The following NAA25 variants were observed in gnomAD, a reference collection of about 807,000 sequenced individuals.
NAA25 encodes the protein N-terminal acetyltransferase B complex subunit NAA25.
A neutral mutation model predicts 132.5 loss-of-function variants in NAA25; 30 were observed. The ratio of observed to expected loss-of-function variants is 0.23; its 90% CI spans 0.17 to 0.31. NAA25 has a LOEUF of 0.31. NAA25 is among the 10% of genes least tolerant of loss of function. NAA25 has a pLI of 1.00. For missense variants in NAA25, 771 were observed against 1,150.4 expected (o/e 0.67, Z 4.77); for synonymous variants, 359 against 401.9 (o/e 0.89, Z 1.28).
chr12:112,089,993 A>T (rs2079108665), intron 3 of NAA25, among the ~76,000 whole-genome samples: 1 of 148,794 alleles, frequency 6.7e-6, no homozygotes, highest in Non-Finnish European at 1.5e-5. Context: ...CACCACACCC[A>T]GTTAATTTTT....
rs2078286999 is a variant in NAA25, at chr12:112,040,513, T to C, written c.2506A>G (p.Thr836Ala). The change falls in exon 21 of 24, where the codon ACT becomes GCT. Residue 836 changes from threonine to alanine, a missense_variant. This residue lies in a region of NAA25 where 324 missense variants were observed against 400.0 expected (regional missense o/e 0.81). Transcript: ENST00000261745. ...AAGAAAACTAGATTTTCTAAAAGAG[T>C]AGGATGTGTTTTCAAGTTACCATCT... is the stretch of plus-strand genomic sequence containing the variant. Reference protein sequence around the residue: ...VKDGNLKTHPTLLENLVFFVE... With the variant: ...VKDGNLKTHPALLENLVFFVE... 1.9e-6 allele frequency: 3 copies of C among 1,602,888 alleles called. No homozygotes were observed. Among genetic ancestry groups the C allele is most frequent in the Non-Finnish European group, 2.6e-6 (3 of 1,172,330 alleles).
intron 1 of NAA25, among the ~76,000 whole-genome samples, chr12:112,107,381 G>GTT (rs572332388): frequency 2.1e-5 from 3 of 145,640 alleles, no homozygotes; most frequent in African/African-American, 5.0e-5. Flanking sequence ...TTCCTCATCT[G>GTT]TTTTTTTTTT....
chr12:112,090,770 T>C lies in NAA25; in HGVS notation c.239A>G (p.Asn80Ser). 1 of 1,613,862 alleles carries C rather than the reference T, an allele frequency of 6.2e-7. No homozygotes were observed. The highest frequency in any genetic ancestry group is 8.5e-7 in the Non-Finnish European group (1 of 1,179,932). ...AAGGATAGTCAGTGCCTGCAGTGAG[T>C]TGTCATCTGTGGGTTCAAGGGCTGC... ...EVAALEPTDD[N>S]SLQALTILYR... Residue 80 changes from asparagine (N) to serine (S), a missense_variant, in exon 3 of 24, where the codon AAC (asparagine) becomes AGC (serine). By Grantham distance (46) the Asn-to-Ser change is conservative. Coordinates refer to ENST00000261745, the MANE Select transcript of NAA25 (RefSeq NM_024953.4).
intron 1 of NAA25, among the ~76,000 whole-genome samples, chr12:112,105,905 A>G (rs2136952263): frequency 6.6e-6 from 1 of 152,350 alleles, no homozygotes. Flanking sequence ...AACACTAATT[A>G]ATGCTGATAG....
intron 1 of NAA25, among the ~76,000 whole-genome samples, chr12:112,107,747 T>G (rs1409934836): frequency 1.3e-5 from 2 of 152,082 alleles, no homozygotes; most frequent in Non-Finnish European, 2.9e-5. Context: ...ACCACTGACC[T>G]TGAAGCTTCC....
chr12:112,090,627 C>G (rs541351474), intron 3 of NAA25, 99 bp downstream of exon 3: 2 of 1,209,608 alleles, frequency 1.7e-6, no homozygotes, highest in Non-Finnish European at 2.4e-6. Context: ...CTACTGTATC[C>G]ATTCAAATCA....
intron 17 of NAA25, among the ~76,000 whole-genome samples, chr12:112,045,928 C>T (rs537652352): frequency 7.2e-5 from 11 of 151,950 alleles, no homozygotes; most frequent in African/African-American, 2.7e-4. Flanking sequence ...TAAGTTTAAA[C>T]AAATTGGTTA....
Position 112,033,286 on chromosome 12 carries a change from G to C in NAA25, c.2743C>G (p.Leu915Val). The change falls in exon 23 of 24, where the codon CTA becomes GTA. Residue 915 changes from leucine (L) to valine (V), a missense_variant. By Grantham distance (32) the Leu-to-Val change is conservative. Transcript: ENST00000261745. ...VDHIKGLETH[L>V]IALKLEELIL... ...AGTTCTTCAAGTTTAAGTGCAATTAGATGTGTTTCAAGCCCTTTAATATGA... is the reference window on the plus strand; with the variant it reads ...AGTTCTTCAAGTTTAAGTGCAATTACATGTGTTTCAAGCCCTTTAATATGA... 1 of 1,612,564 alleles carries C rather than the reference G, an allele frequency of 6.2e-7. No individual in the cohort carries two copies. The highest frequency in any genetic ancestry group is 8.5e-7 in the Non-Finnish European group (1 of 1,179,478).
At chr12:112,095,118 A>G (rs113584965) in intron 1 of NAA25, among the ~76,000 whole-genome samples, 3 of 152,118 alleles carry the variant, frequency 2.0e-5, no homozygotes, top group Admixed American at 2.0e-4. Flanking sequence ...CCCAGGCAAC[A>G]CAGCAAGACA....
intron 22 of NAA25, among the ~76,000 whole-genome samples, 175 bp downstream of exon 22, chr12:112,039,054 T>C (rs972737394): frequency 6.6e-6 from 1 of 152,082 alleles, no homozygotes; most frequent in Non-Finnish European, 1.5e-5. Context: ...AAAAATCTCA[T>C]AACGTTTTAA....
intron 17 of NAA25, among the ~76,000 whole-genome samples, chr12:112,045,399 A>C (rs989168495): frequency 1.3e-5 from 2 of 150,558 alleles, no homozygotes; most frequent in African/African-American, 4.9e-5. Context: ...AGGCAGGAGA[A>C]TTGCTTGAAC....
Position 112,049,303 on chromosome 12 carries a change from A to G in NAA25, c.1729-860T>C, listed in dbSNP as rs925853455. ...TATGCCATCAGGATCAGAAGACAGG[A>G]GATTACCCCTTTGGGCCAAGGAAAC... is the stretch of plus-strand genomic sequence containing the variant. On this transcript the variant is annotated intron_variant, in intron 15 of 23. Coordinates refer to ENST00000261745, the MANE Select transcript of NAA25 (RefSeq NM_024953.4). This position sits in a 1 kb window ranked among gnomAD's most constrained non-coding sequence, Gnocchi z 4.7. 6.6e-6 allele frequency among the ~76,000 whole-genome samples: 1 copy of G among 152,228 alleles called. No homozygotes were observed. Among genetic ancestry groups the G allele is most frequent in the Non-Finnish European group, 1.5e-5 (1 of 68,040 alleles).
rs772515101 is a variant in NAA25 at position 112,047,617 on chromosome 12, AAAAC to A, written c.2006+44_2006+47del. Reference sequence around the variant, plus strand: ...GATCTTGGTCTCTTTAAAAAAACAAAAAACAAACAAAAACTTTAAAAATTGCTTG... The same window carrying A: ...GATCTTGGTCTCTTTAAAAAAACAAAAAACAAAAACTTTAAAAATTGCTTG... On this transcript the variant is annotated intron_variant, in intron 17 of 23. Transcript: ENST00000261745. 25 of 1,598,084 alleles carry A rather than the reference AAAAC, an allele frequency of 1.6e-5. No individual in the cohort carries two copies. In the Admixed American group the frequency reaches 4.5e-4, roughly 29 times the overall value.
chr12:112,050,641 C>A (rs1281082766), intron 15 of NAA25, among the ~76,000 whole-genome samples: 1 of 151,822 alleles, frequency 6.6e-6, no homozygotes. Context: ...GACTCAGCCT[C>A]CCAAGTAGCT....
chr12:112,099,542 A>G (rs1593840347), intron 1 of NAA25, among the ~76,000 whole-genome samples: 1 of 152,192 alleles, frequency 6.6e-6, no homozygotes, highest in Non-Finnish European at 1.5e-5. Flanking sequence ...GATTAGGTAA[A>G]AGAACGATAG....
chr12:112,068,740 T>C (rs1566016573), intron 11 of NAA25, 140 bp downstream of exon 11: 2 of 543,630 alleles, frequency 3.7e-6, no homozygotes, highest in Non-Finnish European at 6.5e-6. Context: ...ACACATAGAG[T>C]ACTTAGCTTG....
intron 7 of NAA25, among the ~76,000 whole-genome samples, chr12:112,077,523 C>T (rs2078911269): frequency 6.6e-6 from 1 of 151,528 alleles, no homozygotes; most frequent in Admixed American, 6.6e-5. Context: ...GTGGTGTGTG[C>T]CCGTCGTCCT....
At chr12:112,084,324 G>A (rs1377431504) in intron 4 of NAA25, among the ~76,000 whole-genome samples, 1 of 152,088 alleles carries the variant, frequency 6.6e-6, no homozygotes, top group Non-Finnish European at 1.5e-5. Flanking sequence ...GCTATTCTAG[G>A]CAATGGAAAA....
rs117710002 is a variant in NAA25 at position 112,043,542 on chromosome 12, C to T, written c.2250+83G>A. 504 of 1,485,724 alleles carry T rather than the reference C, an allele frequency of 3.4e-4. 6 individuals are homozygous for T. In the East Asian group the frequency reaches 0.01, roughly 31 times the overall value. The allele number at this position is 1,485,724 out of a possible 1,614,324, so 92.0% of individuals were successfully genotyped here. Reference sequence around the variant, plus strand: ...ACTGGGACAAAACAATTCCTTACTACTCACCCACCCCAAACTCCTGTTTAT... The same window carrying T: ...ACTGGGACAAAACAATTCCTTACTATTCACCCACCCCAAACTCCTGTTTAT... On this transcript the variant is annotated intron_variant, in intron 18 of 23. Coordinates refer to ENST00000261745, the MANE Select transcript of NAA25 (RefSeq NM_024953.4).
Sources: allele counts gnomAD v4.1 joint callset (sites outside exome capture counted in the v4.1 genomes callset), GRCh38; gene constraint gnomAD v4.1.1; regional missense constraint gnomAD v4.1.1; non-coding constraint Gnocchi (gnomAD v3.1); transcripts MANE v1.5; gene names NCBI Gene and HGNC (gene_info 2026-07-23, HGNC 2026-07-21).